Variants in YPEL5 observed in about 807,000 individuals in gnomAD.
YPEL5 encodes yippee like 5.
A neutral mutation model predicts 10.5 loss-of-function variants in YPEL5; 1 was observed. That is an observed-to-expected ratio of 0.10 (90% CI 0.03 to 0.45). The LOEUF (loss-of-function observed/expected upper bound fraction) is 0.45. YPEL5 is among the 20% of genes least tolerant of loss of function. The probability of loss-of-function intolerance (pLI) is 0.97; values close to 1 mark genes in which losing one functional copy is unlikely to be tolerated. For synonymous variants in YPEL5, 61 were observed against 56.6 expected, an observed-to-expected ratio of 1.08 and a Z score of -0.35; for missense variants, 68 against 159.3, an observed-to-expected ratio of 0.43 and a Z score of 3.09.
In YPEL5 at chr2:30,149,709, G is replaced by A. The variant is rs538996053; in HGVS notation, c.-25+2647G>A. Among the ~76,000 whole-genome samples, 95 of 152,324 alleles carry A rather than the reference G, an allele frequency of 6.2e-4. 1 individual carries two copies. Among genetic ancestry groups the A allele is most frequent in the African/African-American group, 2.2e-3 (90 of 41,572 alleles). On this transcript the variant is annotated intron_variant, in intron 1 of 2. Transcript: ENST00000261353. ...TGCGAAACAAAACCACCTCTGCAAG[G>A]GGCAGGTTCCTTTAACCCTTTCTGC... is the stretch of plus-strand genomic sequence containing the variant.
At chr2:30,147,298 C>A (rs1021310982) in intron 1 of YPEL5, among the ~76,000 whole-genome samples, 4 of 150,758 alleles carry the variant, frequency 2.7e-5, no homozygotes, top group Admixed American at 2.6e-4. Context: ...TTTGTGAGGC[C>A]TGGCGCGGCG....
intron 1 of YPEL5, among the ~76,000 whole-genome samples, chr2:30,155,014 C>G (rs1206738097): frequency 6.6e-6 from 1 of 152,176 alleles, no homozygotes; most frequent in Non-Finnish European, 1.5e-5. Flanking sequence ...GCTGGGATTA[C>G]AGGTGTGAGC....
rs1256024991 is a variant in YPEL5 at position 30,160,042 on chromosome 2, T to G, written c.*1199T>G. 2 of 152,642 alleles carry G rather than the reference T, an allele frequency of 1.3e-5. No individual in the cohort carries two copies. Among genetic ancestry groups the G allele is most frequent in the East Asian group, 3.8e-4 (2 of 5,204 alleles). The allele number at this position is 152,642 out of a possible 1,614,324, so 9.5% of individuals were successfully genotyped here. ...ACCTGGTGTTATTTTAGCCCCAAAT[T>G]TATGACATTACACAATATTAAAATG... On this transcript the variant is annotated 3_prime_UTR_variant, in exon 3 of 3. Transcript: ENST00000261353.
At chr2:30,155,063 GA>G (rs1462054785) in intron 1 of YPEL5, among the ~76,000 whole-genome samples, 4 of 152,020 alleles carry the variant, frequency 2.6e-5, no homozygotes, top group Non-Finnish European at 5.9e-5. Context: ...TAATCATCTG[GA>G]AAAAAATAAT....
chr2:30,151,861 A>AT (rs1675808198), intron 1 of YPEL5, among the ~76,000 whole-genome samples: 1 of 152,236 alleles, frequency 6.6e-6, no homozygotes, highest in Non-Finnish European at 1.5e-5. Flanking sequence ...TGTTTTAGAA[A>AT]TACGGGGCTG....
intron 1 of YPEL5, among the ~76,000 whole-genome samples, chr2:30,153,073 T>C (rs1675883163): frequency 6.6e-6 from 1 of 152,114 alleles, no homozygotes; most frequent in Admixed American, 6.6e-5. Context: ...GCTAATTTTT[T>C]TGTATTTTTA....
intron 1 of YPEL5, among the ~76,000 whole-genome samples, chr2:30,148,888 A>G (rs1211829690): frequency 1.3e-5 from 2 of 152,220 alleles, no homozygotes; most frequent in Non-Finnish European, 2.9e-5. Context: ...TGTGCCTAAA[A>G]TATCATTCTA....
Position 30,147,080 on chromosome 2 carries a change from G to A in YPEL5, c.-25+18G>A, listed in dbSNP as rs1280216009. The A allele has an allele frequency of 6.6e-6, 1 of 152,390 alleles. No individual in the cohort carries two copies. Among genetic ancestry groups the A allele is most frequent in the Non-Finnish European group, 1.5e-5 (1 of 68,210 alleles). The allele number at this position is 152,390 out of a possible 1,614,324, so 9.4% of individuals were successfully genotyped here. ...CGCTCAGGGTGAGTCCCGCGGGAGG[G>A]GCTGGACTCGGGGCCGGTGGGGACT... On this transcript the variant is annotated intron_variant, in intron 1 of 2. Transcript: ENST00000261353.
intron 1 of YPEL5, chr2:30,147,627 G>C (rs940290270): frequency 6.6e-5 from 10 of 151,994 alleles, no homozygotes; most frequent in Admixed American, 2.6e-4. Context: ...CAGGGCCCAC[G>C]CCCGGCCCAA....
chr2:30,147,358 C>G (rs1319629157), intron 1 of YPEL5, among the ~76,000 whole-genome samples: 5 of 148,890 alleles, frequency 3.4e-5, no homozygotes, highest in Admixed American at 6.7e-5. Context: ...GGTGCGACAA[C>G]AGCCGCAACC....
chr2:30,152,048 C>T (rs961554906), intron 1 of YPEL5, among the ~76,000 whole-genome samples: 4 of 152,136 alleles, frequency 2.6e-5, no homozygotes, highest in African/African-American at 2.4e-5. Flanking sequence ...TGGAAGCATT[C>T]TAAAGCCAAT....
At chr2:30,158,278 A>G (rs1228267900) in intron 2 of YPEL5, among the ~76,000 whole-genome samples, 1 of 152,218 alleles carries the variant, frequency 6.6e-6, no homozygotes, top group Non-Finnish European at 1.5e-5. Context: ...TTGAATAATG[A>G]TGAATTACTA....
At chr2:30,154,140 A>G (rs1168060676) in intron 1 of YPEL5, among the ~76,000 whole-genome samples, 1 of 152,236 alleles carries the variant, frequency 6.6e-6, no homozygotes, top group Non-Finnish European at 1.5e-5. Context: ...CTTTAAAATA[A>G]TGAATCCCAG....
At chr2:30,156,488 G>C in intron 1 of YPEL5, 140 bp from the exon 2 acceptor site, 2 of 747,832 alleles carry the variant, frequency 2.7e-6, no homozygotes, top group Non-Finnish European at 4.3e-6. Context: ...TTTTGTTCAG[G>C]ATCAGCTATT....
intron 2 of YPEL5, 78 bp from the exon 3 acceptor site, chr2:30,158,541 A>G (rs1444342681): frequency 2.2e-6 from 3 of 1,382,940 alleles, no homozygotes; most frequent in Non-Finnish European, 3.1e-6. Flanking sequence ...TTGCTGTTGC[A>G]TTAACCATAA....
intron 1 of YPEL5, among the ~76,000 whole-genome samples, chr2:30,152,890 G>GTTTTTTTTTTT (rs373848986): frequency 8.1e-6 from 1 of 122,726 alleles, no homozygotes; most frequent in African/African-American, 3.0e-5. Context: ...ACTGTCCTTT[G>GTTTTTTTTTTT]TTTTTTTTTT....
intron 1 of YPEL5, among the ~76,000 whole-genome samples, chr2:30,149,492 T>G (rs943219210): frequency 6.6e-6 from 1 of 152,264 alleles, no homozygotes; most frequent in South Asian, 2.1e-4. Context: ...GTAGATTTTT[T>G]AATAGCGTTT....
intron 2 of YPEL5, among the ~76,000 whole-genome samples, chr2:30,157,128 C>A (rs530673452): frequency 6.6e-6 from 1 of 151,900 alleles, no homozygotes; most frequent in African/African-American, 2.4e-5. Flanking sequence ...ACTAAAAATA[C>A]AAAAATTAGC....
chr2:30,149,617 C>T (rs1675684658), intron 1 of YPEL5, among the ~76,000 whole-genome samples: 2 of 152,136 alleles, frequency 1.3e-5, no homozygotes, highest in Admixed American at 6.5e-5. Flanking sequence ...TTTGTTTTGG[C>T]GAGGGAAGAG....
Sources: allele counts gnomAD v4.1 joint callset (sites outside exome capture counted in the v4.1 genomes callset), GRCh38; gene constraint gnomAD v4.1.1; transcripts MANE v1.5; gene names NCBI Gene and HGNC (gene_info 2026-07-23, HGNC 2026-07-21).